SCAI: variants seen among roughly 807,000 people sequenced by gnomAD.
SCAI encodes the protein protein SCAI.
In SCAI, 24 loss-of-function variants were observed where a neutral mutation model predicts 92.2. The ratio of observed to expected loss-of-function variants is 0.26; its 90% CI spans 0.19 to 0.37. SCAI has a LOEUF of 0.37. SCAI is among the 10% of genes least tolerant of loss of function. The probability of loss-of-function intolerance (pLI) is 1.00; values close to 1 mark genes in which losing one functional copy is unlikely to be tolerated. For missense variants in SCAI, 450 were observed against 736.2 expected (o/e 0.61, Z 4.50); for synonymous variants, 261 against 258.6 (o/e 1.01, Z -0.09).
At position 125,036,582 on chromosome 9, in the gene SCAI, C is replaced by T. The variant is rs565584376; in HGVS notation, c.231-6843G>A. Among the ~76,000 whole-genome samples, 10 of 152,166 alleles carry T rather than the reference C, an allele frequency of 6.6e-5. No homozygotes were observed. The South Asian group carries it at 2.1e-3, about 32-fold the overall frequency. On this transcript the variant is annotated intron_variant, in intron 3 of 17. Transcript: ENST00000336505. ...GTGTAAGCCCTTTTATATTATTTCA[C>T]CTTGTAAAACTCATGTTTTTTAAAT... is the stretch of plus-strand genomic sequence containing the variant.
intron 2 of SCAI, chr9:125,066,062 T>C: frequency 1.3e-6 from 1 of 742,288 alleles, no homozygotes; most frequent in Non-Finnish European, 2.5e-6. Flanking sequence ...TCTGATACTG[T>C]ATTGAATAAA....
At chr9:124,953,072 TTAATA>T (rs1280798817) in intron 17 of SCAI, 119 bp from the exon 18 acceptor site, 1 of 814,542 alleles carries the variant, frequency 1.2e-6, no homozygotes, top group Non-Finnish European at 2.0e-6. Flanking sequence ...ATGATTCTTA[TTAATA>T]TATTTGTTGA....
chr9:125,125,909 T>TACACACACACACACAC (rs10554292), intron 2 of SCAI, among the ~76,000 whole-genome samples: 226 of 137,982 alleles, frequency 1.6e-3, no homozygotes, highest in African/African-American at 3.8e-3. Flanking sequence ...TGCGTACACG[T>TACACACACACACACAC]ACACACACAC....
intron 10 of SCAI, 100 bp downstream of exon 10, chr9:125,003,369 C>A (rs909787689): frequency 2.0e-5 from 21 of 1,030,642 alleles, no homozygotes; most frequent in African/African-American, 1.3e-4. Context: ...CAAGTGAATT[C>A]TTTATTCAAG....
intron 17 of SCAI, chr9:124,968,574 T>G: frequency 2.2e-6 from 2 of 920,820 alleles, no homozygotes; most frequent in Non-Finnish European, 3.7e-6. Context: ...CTCAAACGTG[T>G]ATGGCTTGTC....
chr9:124,994,729 T>C (rs760095717), intron 14 of SCAI, among the ~76,000 whole-genome samples: 1 of 152,126 alleles, frequency 6.6e-6, no homozygotes, highest in Admixed American at 6.6e-5. Flanking sequence ...TTCCACTGAG[T>C]GTCCATTCAT....
intron 2 of SCAI, among the ~76,000 whole-genome samples, chr9:125,061,802 A>T (rs1833773064): frequency 6.6e-6 from 1 of 152,088 alleles, no homozygotes; most frequent in Non-Finnish European, 1.5e-5. Context: ...AAAAGAAAAA[A>T]ATATATATGG....
rs371558014 is a variant in SCAI, at chr9:125,083,503, G to A, written c.99-27496C>T. On this transcript the variant is annotated intron_variant, in intron 2 of 17. Coordinates refer to ENST00000336505, the MANE Select transcript of SCAI (RefSeq NM_001144877.3). ...AATGCACTCCAGCCTATGCGACACA[G>A]TGAGACTCCATCTCAAAAAAAAAAA... 1.2e-4 allele frequency among the ~76,000 whole-genome samples: 17 copies of A among 141,322 alleles called. No homozygotes were observed. The East Asian group carries it at 2.3e-3, about 19-fold the overall frequency. 92.7% of individuals were successfully genotyped at this position (141,322 alleles called of 152,430 possible).
At chr9:124,993,618 T>A (rs1489368051) in intron 14 of SCAI, among the ~76,000 whole-genome samples, 2 of 152,036 alleles carry the variant, frequency 1.3e-5, no homozygotes, top group Non-Finnish European at 1.5e-5. Flanking sequence ...AGTACACTGC[T>A]AACTTTCCTA....
At chr9:124,991,639 C>G (rs1832125857) in intron 14 of SCAI, among the ~76,000 whole-genome samples, 1 of 151,910 alleles carries the variant, frequency 6.6e-6, no homozygotes, top group Admixed American at 6.6e-5. Context: ...GAGTTCAAGA[C>G]CAGCCTGACC....
At chr9:125,110,839 G>A (rs1834914870) in intron 2 of SCAI, among the ~76,000 whole-genome samples, 1 of 152,102 alleles carries the variant, frequency 6.6e-6, no homozygotes, top group Non-Finnish European at 1.5e-5. Flanking sequence ...CATTTAAGAG[G>A]CCTGCTCCCG....
chr9:125,002,489 T>G (rs529356720), intron 11 of SCAI, among the ~76,000 whole-genome samples: 1 of 43,470 alleles, frequency 2.3e-5, no homozygotes, highest in East Asian at 7.4e-4. Context: ...TTTTAGTCTG[T>G]TTTTTTTTTT....
In SCAI at chr9:125,078,611, G is replaced by A. The variant is rs185151734; in HGVS notation, c.99-22604C>T. On this transcript the variant is annotated intron_variant, in intron 2 of 17. Coordinates refer to ENST00000336505, the MANE Select transcript of SCAI (RefSeq NM_001144877.3). Reference sequence around the variant, plus strand: ...TCCCCCCACCACCCCTATACTGCCAGCATCAACAGCTTCCCACTGTTAGGC... The same window carrying A: ...TCCCCCCACCACCCCTATACTGCCAACATCAACAGCTTCCCACTGTTAGGC... 7.9e-5 allele frequency among the ~76,000 whole-genome samples: 12 copies of A among 152,174 alleles called. No homozygotes were observed. The East Asian group carries it at 2.1e-3, about 27-fold the overall frequency.
intron 2 of SCAI, among the ~76,000 whole-genome samples, chr9:125,073,552 TAGC>T (rs1212270025): frequency 6.6e-6 from 1 of 152,224 alleles, no homozygotes; most frequent in Admixed American, 6.5e-5. Context: ...ACCTTCTTGA[TAGC>T]AGCCATATGA....
At chr9:125,070,727 T>C (rs1414307033) in intron 2 of SCAI, among the ~76,000 whole-genome samples, 1 of 152,116 alleles carries the variant, frequency 6.6e-6, no homozygotes, top group Non-Finnish European at 1.5e-5. Flanking sequence ...TATTCCAACA[T>C]GTTACTGAAG....
chr9:125,116,013 C>T (rs189351258), intron 2 of SCAI, among the ~76,000 whole-genome samples: 1 of 152,186 alleles, frequency 6.6e-6, no homozygotes, highest in African/African-American at 2.4e-5. Context: ...TGGCCAACAT[C>T]GTGAAATCCC....
intron 6 of SCAI, among the ~76,000 whole-genome samples, chr9:125,026,433 C>T (rs1832966703): frequency 6.6e-6 from 1 of 151,854 alleles, no homozygotes; most frequent in African/African-American, 2.4e-5. Flanking sequence ...AGACTATTCC[C>T]TGGTCCTACA....
intron 2 of SCAI, among the ~76,000 whole-genome samples, chr9:125,092,045 G>C (rs1290009035): frequency 6.6e-6 from 1 of 150,462 alleles, no homozygotes; most frequent in Non-Finnish European, 1.5e-5. Flanking sequence ...CAGGAGAATG[G>C]CGTGAACCCA....
intron 2 of SCAI, among the ~76,000 whole-genome samples, chr9:125,078,755 C>T (rs1283655345): frequency 6.6e-6 from 1 of 151,974 alleles, no homozygotes; most frequent in Non-Finnish European, 1.5e-5. Context: ...TATAAAAAAT[C>T]TAAAAATTAG....
Sources: allele counts gnomAD v4.1 joint callset (sites outside exome capture counted in the v4.1 genomes callset), GRCh38; gene constraint gnomAD v4.1.1; transcripts MANE v1.5; gene names NCBI Gene and HGNC (gene_info 2026-07-23, HGNC 2026-07-21).